The following CNOT3 variants were observed in gnomAD, a reference collection of about 807,000 sequenced individuals.
CNOT3 encodes CCR4-associated factor 3.
A neutral mutation model predicts 89.4 loss-of-function variants in CNOT3; 2 were observed. The ratio of observed to expected loss-of-function variants is 0.02; its 90% CI spans 0.01 to 0.07. CNOT3 has a LOEUF of 0.07. Among genes scored for constraint, CNOT3 ranks in the 10% least tolerant of loss-of-function variants. The probability of loss-of-function intolerance (pLI) is 1.00; values close to 1 mark genes in which losing one functional copy is unlikely to be tolerated. For synonymous variants in CNOT3, 486 were observed against 402.0 expected, an observed-to-expected ratio of 1.21 and a Z score of -2.50; for missense variants, 664 against 1,010.2, an observed-to-expected ratio of 0.66 and a Z score of 4.65.
rs1230480934 is a variant in CNOT3, at chr19:54,153,712, C to T, written c.2038-3C>T. 6.2e-7 allele frequency: 1 copy of T among 1,613,684 alleles called. No homozygotes were observed. Among genetic ancestry groups the T allele is most frequent in the Non-Finnish European group, 8.5e-7 (1 of 1,179,602 alleles). The stretch of plus-strand genomic sequence containing the variant: ...ATCCCCCTCTCCACTGTTCCTCCCC[C>T]AGGGCACTAAGGCACAGTATCTGGC... On this transcript the variant is annotated splice_polypyrimidine_tract_variant and splice_region_variant and intron_variant, in intron 16 of 17. Coordinates refer to ENST00000221232, the MANE Select transcript of CNOT3 (RefSeq NM_014516.4).
rs1052033625 is a variant in CNOT3, at chr19:54,152,415, A to C, written c.1706-13A>C. ...TCACCACTGAGGGGGCCGGACCCCC[A>C]CCCTCCCCACAGACATCATCCTGAG... is the stretch of plus-strand genomic sequence containing the variant. On this transcript the variant is annotated splice_polypyrimidine_tract_variant and intron_variant, in intron 14 of 17. Transcript: ENST00000221232. 2 of 1,613,394 alleles carry C rather than the reference A, an allele frequency of 1.2e-6. No individual in the cohort carries two copies. The highest frequency in any genetic ancestry group is 2.2e-5 in the South Asian group (2 of 91,050).
chr19:54,138,712 C>T lies in CNOT3; in HGVS notation c.-51+719C>T, dbSNP rs190475103. The stretch of plus-strand genomic sequence containing the variant: ...ACTCCCCGTTAGTTGGAGCCTTTGC[C>T]GAAGTTTCCACCTCTGTAGTCTGCA... On this transcript the variant is annotated intron_variant, in intron 1 of 17. Transcript: ENST00000221232. Among the ~76,000 whole-genome samples, 5 of 152,340 alleles carry T rather than the reference C, an allele frequency of 3.3e-5. No individual in the cohort carries two copies. The East Asian group carries it at 7.7e-4, about 24-fold the overall frequency.
Position 54,155,406 on chromosome 19 carries a change from G to GA in CNOT3, c.2262dup. Residue 754 remains the stop codon, a frameshift_variant and stop_retained_variant, in exon 18 of 18, where the codon TGA becomes TGAA. Coordinates refer to ENST00000221232, the MANE Select transcript of CNOT3 (RefSeq NM_014516.4). LOFTEE classifies it high-confidence loss of function. The part of the protein sequence containing the change: ...YRYLEDRDLQ[*] ...TACCTGGAGGACCGGGACCTCCAGT[G>GA]ACACCGGCCCCTCCCTCTACCCACC... 2 of 1,591,270 alleles carry GA rather than the reference G, an allele frequency of 1.3e-6. No individual in the cohort carries two copies. The highest frequency in any genetic ancestry group is 1.7e-6 in the Non-Finnish European group (2 of 1,164,390).
rs587753162 is a variant in CNOT3 at position 54,139,835 on chromosome 19, C to G, written c.-51+1842C>G. Among the ~76,000 whole-genome samples, 4 of 152,144 alleles carry G rather than the reference C, an allele frequency of 2.6e-5. No homozygotes were observed. In the South Asian group the frequency reaches 8.3e-4, roughly 32 times the overall value. ...TGTAGACTTTCCAAGGTGGGAGATT[C>G]CAGCCCCCCACCCTTGGCATGGGGC... On this transcript the variant is annotated intron_variant, in intron 1 of 17. Coordinates refer to ENST00000221232, the MANE Select transcript of CNOT3 (RefSeq NM_014516.4).
At position 54,155,392 on chromosome 19, in the gene CNOT3, C is replaced by T; in HGVS notation, c.2247C>T (p.Asp749=). The T allele has an allele frequency of 6.2e-7, 1 of 1,607,562 alleles. No individual in the cohort carries two copies. Among genetic ancestry groups the T allele is most frequent in the Non-Finnish European group, 8.5e-7 (1 of 1,175,678 alleles). The change falls in exon 18 of 18, where the codon GAC becomes GAT. Residue 749 remains aspartate, a synonymous_variant. Coordinates refer to ENST00000221232, the MANE Select transcript of CNOT3 (RefSeq NM_014516.4). ...GFTFEYRYLE[D]RDLQ ...CCTTTGAGTACCGCTACCTGGAGGA[C>T]CGGGACCTCCAGTGACACCGGCCCC...
rs145720928 is a variant in CNOT3, at chr19:54,152,876, C to T, written c.1914C>T (p.Leu638=). ...CCTGTTGCTCTCACAGGCAGTACCT[C>T]CCCCGGAACCCCTGTCCGACGCCCC... ...PSDSERIRQY[L]PRNPCPTPPY... Residue 638 remains leucine (L), a synonymous_variant, in exon 16 of 18, where the codon CTC becomes CTT. Coordinates refer to ENST00000221232, the MANE Select transcript of CNOT3 (RefSeq NM_014516.4). 1.2e-4 allele frequency: 172 copies of T among 1,428,854 alleles called. No individual in the cohort carries two copies. The highest frequency in any genetic ancestry group is 1.5e-4 in the Non-Finnish European group (156 of 1,032,180). The allele number at this position is 1,428,854 out of a possible 1,614,324, so 88.5% of individuals were successfully genotyped here. A position where few individuals can be genotyped will look rare whatever the true frequency, so the allele number is the denominator to read the frequency against.
chr19:54,143,342 T>TGA (rs1555801471), intron 3 of CNOT3, 100 bp from the exon 4 acceptor site: 4 of 946,686 alleles, frequency 4.2e-6, no homozygotes, highest in Non-Finnish European at 6.5e-6. Context: ...GGGTAGGGGT[T>TGA]GGGGGGGGTC....
At chr19:54,140,664 C>T (rs1309751580) in intron 1 of CNOT3, among the ~76,000 whole-genome samples, 1 of 152,134 alleles carries the variant, frequency 6.6e-6, no homozygotes, top group African/African-American at 2.4e-5. Flanking sequence ...GGCACTTGCC[C>T]CTTCTCTGTG....
intron 10 of CNOT3, among the ~76,000 whole-genome samples, chr19:54,146,885 ATGC>A (rs767231364): frequency 5.0e-4 from 76 of 152,294 alleles, no homozygotes; most frequent in Non-Finnish European, 9.7e-4. Flanking sequence ...CAGTCAGGAG[ATGC>A]TGCTGTGGAG....
chr19:54,152,679 G>A (rs1250176123), intron 15 of CNOT3, 53 bp downstream of exon 15: 1 of 1,455,866 alleles, frequency 6.9e-7, no homozygotes, highest in Non-Finnish European at 9.6e-7. Flanking sequence ...TTACGGAGGA[G>A]GCAGTGGCTG....
chr19:54,155,460 C>G lies in CNOT3; in HGVS notation c.*53C>G. The G allele has an allele frequency of 2.4e-6, 3 of 1,226,890 alleles. No homozygotes were observed. The highest frequency in any genetic ancestry group is 3.5e-6 in the Non-Finnish European group (3 of 861,708). The allele number at this position is 1,226,890 out of a possible 1,614,324, so 76.0% of individuals were successfully genotyped here. A position where few individuals can be genotyped will look rare whatever the true frequency, so the allele number is the denominator to read the frequency against. ...TTCCCCCGCATGCTGATCCCCCTGC[C>G]CAGGTGAGGGCCCTGCCCTGGAAGA... On this transcript the variant is annotated 3_prime_UTR_variant, in exon 18 of 18. Coordinates refer to ENST00000221232, the MANE Select transcript of CNOT3 (RefSeq NM_014516.4).
rs1320822434 is a variant in CNOT3 at position 54,148,436 on chromosome 19, C to T, written c.1183C>T (p.Pro395Ser). 1.3e-6 allele frequency: 2 copies of T among 1,569,558 alleles called. No homozygotes were observed. The highest frequency in any genetic ancestry group is 1.7e-6 in the Non-Finnish European group (2 of 1,156,044). Residue 395 changes from proline (P) to serine (S), a missense_variant, in exon 11 of 18, where the codon CCT (proline) becomes TCT (serine). Physicochemically the swap from Pro to Ser is moderately conservative, Grantham distance 74. Around this residue, in one of 8 missense-constraint regions of CNOT3, gnomAD observed 545 missense variants for 566.2 expected, o/e 0.96. Transcript: ENST00000221232. This position sits in a 1 kb window ranked among gnomAD's most constrained non-coding sequence, Gnocchi z 6.3. ...TTQPRPPSVQ[P>S]SGGGGGGSGG... ...CCAGCCCCGGCCCCCCAGCGTCCAG[C>T]CTAGCGGAGGCGGAGGCGGCGGCAG...
Position 54,146,631 on chromosome 19 carries a change from C to A in CNOT3, c.868C>A (p.Arg290Ser). The A allele has an allele frequency of 6.4e-7, 1 of 1,568,458 alleles. No homozygotes were observed. Among genetic ancestry groups the A allele is most frequent in the Non-Finnish European group, 8.8e-7 (1 of 1,138,498 alleles). Residue 290 changes from arginine (R) to serine (S), a missense_variant, in exon 10 of 18, where the codon CGT (arginine) becomes AGT (serine). Coordinates refer to ENST00000221232, the MANE Select transcript of CNOT3 (RefSeq NM_014516.4). ...ENSEDDKKRGRSTDSEVSQSP... is the reference protein window; with the variant it reads ...ENSEDDKKRGSSTDSEVSQSP... ...CTCTGAAGATGATAAGAAGAGGGGA[C>A]GTTCCACAGACAGTGAAGTCAGCCA...
chr19:54,148,547 G>T lies in CNOT3; in HGVS notation c.1282+12G>T. The T allele has an allele frequency of 6.4e-7, 1 of 1,567,968 alleles. No homozygotes were observed. The highest frequency in any genetic ancestry group is 8.7e-7 in the Non-Finnish European group (1 of 1,152,840). On this transcript the variant is annotated intron_variant, in intron 11 of 17. Transcript: ENST00000221232. The surrounding 1 kb of genome is among the most constrained non-coding windows in gnomAD (Gnocchi z 6.3). ...GAATGGCGCCACCAGTGAGTGAGGA[G>T]GCAGCGGGGTGGGGGGCGTGGGCGG...
intron 13 of CNOT3, among the ~76,000 whole-genome samples, chr19:54,150,775 A>G (rs954144879): frequency 1.5e-4 from 23 of 152,130 alleles, no homozygotes; most frequent in Non-Finnish European, 2.8e-4. Context: ...TTCTGGCCCA[A>G]CAGAAGCATT....
chr19:54,151,376 C>G lies in CNOT3; in HGVS notation c.1606-850C>G, dbSNP rs587658356. On this transcript the variant is annotated intron_variant, in intron 13 of 17. Coordinates refer to ENST00000221232, the MANE Select transcript of CNOT3 (RefSeq NM_014516.4). ...CTGGGCTGTGTGGGACATGGTGGCA[C>G]GACAGGGAAGGGAGCCATCCAGTGG... 3.2e-3 allele frequency among the ~76,000 whole-genome samples: 480 copies of G among 151,976 alleles called. 4 individuals carry two copies. The highest frequency in any genetic ancestry group is 0.031 in the Middle Eastern group (9 of 294).
chr19:54,150,139 G>T (rs2074988575), intron 13 of CNOT3, among the ~76,000 whole-genome samples: 1 of 152,146 alleles, frequency 6.6e-6, no homozygotes, highest in South Asian at 2.1e-4. Flanking sequence ...AGAAAGACTG[G>T]TTGGGTGAAT....
intron 1 of CNOT3, among the ~76,000 whole-genome samples, chr19:54,139,470 C>T (rs771662818): frequency 2.6e-5 from 4 of 152,084 alleles, no homozygotes; most frequent in African/African-American, 7.2e-5. Flanking sequence ...TCCTGTACTG[C>T]GAGGTGGGGG....
At chr19:54,143,602 C>G (rs1000454441) in intron 4 of CNOT3, 58 bp from the exon 5 acceptor site, 2 of 1,605,344 alleles carry the variant, frequency 1.2e-6, no homozygotes, top group African/African-American at 2.7e-5. Flanking sequence ...GGAGAAGGAG[C>G]TGTGGGCCCC....
Sources: gnomAD v4.1 joint callset for allele counts (sites outside exome capture counted in the v4.1 genomes callset) on GRCh38, gnomAD v4.1.1 for gene constraint, gnomAD v4.1.1 regional missense constraint, Gnocchi (gnomAD v3.1) non-coding constraint, MANE v1.5 for transcripts, NCBI Gene and HGNC (gene_info 2026-07-23, HGNC 2026-07-21) for gene names.